The following GPR89B variants were observed in gnomAD, a reference collection of about 807,000 sequenced individuals.
GPR89B encodes G protein-coupled receptor 89B.
GPR89B carries 25 observed loss-of-function variants against 52.4 expected under a neutral mutation model. That is an observed-to-expected ratio of 0.48 (90% confidence interval 0.35 to 0.67). The LOEUF is 0.67. Ranked by LOEUF, GPR89B falls within the 30% of genes least tolerant of loss-of-function variation. The pLI is 0.01. For missense variants in GPR89B, 146 were observed against 450.2 expected (o/e 0.32, Z 6.11); for synonymous variants, 52 against 151.2 (o/e 0.34, Z 4.81).
chr1:147,939,357 T>C (rs1553248523), intron 3 of GPR89B, among the ~76,000 whole-genome samples: 1 of 152,172 alleles, frequency 6.6e-6, no homozygotes, highest in East Asian at 1.9e-4. Flanking sequence ...ATAATAGACT[T>C]GTTAGTTTAT....
chr1:148,006,037 C>G, the GPR89B span, among the ~76,000 whole-genome samples: 1 of 152,284 alleles, frequency 6.6e-6, no homozygotes, highest in Non-Finnish European at 1.5e-5. Flanking sequence ...AAACAAACTT[C>G]CGATTTTAGA....
intron 10 of GPR89B, among the ~76,000 whole-genome samples, chr1:147,981,305 C>T (rs1658228774): frequency 6.8e-6 from 1 of 146,082 alleles, no homozygotes; most frequent in South Asian, 2.1e-4. Context: ...CCATTCTTTA[C>T]CCCTCCCTCC....
At chr1:147,977,102 C>T (rs1226586380) in intron 10 of GPR89B, among the ~76,000 whole-genome samples, 2 of 151,268 alleles carry the variant, frequency 1.3e-5, no homozygotes, top group African/African-American at 4.9e-5. Flanking sequence ...GGCATGGTGG[C>T]AGGCGCCTAT....
the GPR89B span, among the ~76,000 whole-genome samples, chr1:148,007,375 T>G: frequency 1.3e-5 from 2 of 152,080 alleles, no homozygotes; most frequent in African/African-American, 2.4e-5. Flanking sequence ...GCGCCCGGCC[T>G]GAGCTATTAT....
chr1:148,010,503 T>C, the GPR89B span: 1 of 152,380 alleles, frequency 6.6e-6, no homozygotes, highest in East Asian at 1.9e-4. Context: ...GCAAGATACT[T>C]GGCTTTTTCA....
At chr1:147,961,462 A>C (rs1256256379) in intron 7 of GPR89B, among the ~76,000 whole-genome samples, 1 of 152,298 alleles carries the variant, frequency 6.6e-6, no homozygotes, top group Non-Finnish European at 1.5e-5. Flanking sequence ...AATGGGAAAA[A>C]AAAAAGTAAT....
At chr1:147,931,541 A>G (rs1300257739) in intron 1 of GPR89B, among the ~76,000 whole-genome samples, 2 of 151,852 alleles carry the variant, frequency 1.3e-5, no homozygotes, top group African/African-American at 2.4e-5. Flanking sequence ...ACTTGGATGT[A>G]AATGAATTCT....
chr1:147,969,283 G>A, intron 9 of GPR89B: 1 of 365,682 alleles, frequency 2.7e-6, no homozygotes. Flanking sequence ...TCCTTTATAA[G>A]TTAGTAATAT....
At chr1:148,007,064 G>A in the GPR89B span, among the ~76,000 whole-genome samples, 86 of 148,486 alleles carry the variant, frequency 5.8e-4, no homozygotes, top group African/African-American at 1.8e-3. Context: ...CATCACTATC[G>A]TTGCATTTTT....
intron 1 of GPR89B, chr1:147,929,118 A>G (rs1653306473): frequency 2.3e-6 from 1 of 439,008 alleles, no homozygotes; most frequent in Non-Finnish European, 3.0e-6. Context: ...TCGTTTTTGC[A>G]CTGACACCTC....
the GPR89B span, among the ~76,000 whole-genome samples, chr1:148,020,623 G>T: frequency 4.0e-5 from 6 of 151,666 alleles, no homozygotes; most frequent in African/African-American, 1.5e-4. Flanking sequence ...GAGGGGAAGG[G>T]GGGAACTACT....
chr1:147,952,977 C>T (rs1349955049), intron 5 of GPR89B, among the ~76,000 whole-genome samples: 1 of 150,808 alleles, frequency 6.6e-6, no homozygotes, highest in African/African-American at 2.4e-5. Flanking sequence ...TTATACTTTT[C>T]CAGCAGATTT....
At position 147,991,878 on chromosome 1, in the gene GPR89B, T is replaced by C. The variant is rs1330145716; in HGVS notation, c.1096-624T>C. Reference sequence around the variant, plus strand: ...ATTTTATTGAGGATTTTTGCATCGATGTTCATCAGGGTCTAAAATTCTCTT... The same window carrying C: ...ATTTTATTGAGGATTTTTGCATCGACGTTCATCAGGGTCTAAAATTCTCTT... On this transcript the variant is annotated intron_variant, in intron 12 of 13. Coordinates refer to ENST00000314163, the MANE Select transcript of GPR89B (RefSeq NM_016334.5). Among the ~76,000 whole-genome samples, 817 of 152,090 alleles carry C rather than the reference T, an allele frequency of 5.4e-3. 8 individuals are homozygous for C. The highest frequency in any genetic ancestry group is 0.019 in the African/African-American group (773 of 41,504).
chr1:147,937,460 C>A (rs1654184026), intron 2 of GPR89B, among the ~76,000 whole-genome samples: 1 of 152,176 alleles, frequency 6.6e-6, no homozygotes, highest in Non-Finnish European at 1.5e-5. Flanking sequence ...ATTTACCAGG[C>A]TGGAATTTCC....
chr1:147,956,986 A>C (rs1380313042), intron 7 of GPR89B, among the ~76,000 whole-genome samples: 3,063 of 150,960 alleles, frequency 0.02, 113 homozygotes, highest in African/African-American at 0.071. Context: ...TGATCTGCCC[A>C]CCTTGGCCTC....
At chr1:147,938,664 C>A in intron 2 of GPR89B, 50 bp from the exon 3 acceptor site, 5 of 1,604,204 alleles carry the variant, frequency 3.1e-6, no homozygotes, top group Non-Finnish European at 3.4e-6. Flanking sequence ...GTTATCAGTT[C>A]AGTTTTTAAA....
At chr1:148,003,340 C>T in the GPR89B span, among the ~76,000 whole-genome samples, 16 of 152,048 alleles carry the variant, frequency 1.1e-4, no homozygotes, top group African/African-American at 3.6e-4. Context: ...TCCTCACCCA[C>T]ACCTCGGCCT....
chr1:148,017,105 G>C, the GPR89B span, among the ~76,000 whole-genome samples: 1 of 151,614 alleles, frequency 6.6e-6, no homozygotes, highest in South Asian at 2.1e-4. Context: ...GCAGTGGCGC[G>C]ATATTGGCTC....
chr1:147,938,681 A>G, intron 2 of GPR89B, 33 bp from the exon 3 acceptor site: 1 of 1,595,630 alleles, frequency 6.3e-7, no homozygotes, highest in Non-Finnish European at 8.5e-7. Context: ...TAAACAAGGA[A>G]ATAACTTCTA....
Sources: gnomAD v4.1 joint callset for allele counts (sites outside exome capture counted in the v4.1 genomes callset) on GRCh38, gnomAD v4.1.1 for gene constraint, MANE v1.5 for transcripts, NCBI Gene and HGNC (gene_info 2026-07-23, HGNC 2026-07-21) for gene names.